BLTP2: variants seen among roughly 807,000 people sequenced by gnomAD.
BLTP2 encodes the protein bridge-like lipid transfer protein family member 2, also known as U937-associated antigen.
At chr17:28,633,911 G>C in the BLTP2 span, 11 of 1,614,018 alleles carry the variant, frequency 6.8e-6, no homozygotes, top group Non-Finnish European at 9.3e-6. Flanking sequence ...AGTCATGGTA[G>C]AATTTGAGTG....
chr17:28,619,027 G>C, the BLTP2 span: 10 of 1,466,626 alleles, frequency 6.8e-6, no homozygotes, highest in Non-Finnish European at 9.4e-6. Context: ...TGGGTTGGGG[G>C]TGGGATAGAA....
At chr17:28,618,709 T>G in the BLTP2 span, 1 of 1,101,120 alleles carries the variant, frequency 9.1e-7, no homozygotes, top group Non-Finnish European at 1.3e-6. Flanking sequence ...CCCCTTTTAT[T>G]TCTCTTTTAT....
chr17:28,635,424 C>T, the BLTP2 span: 1 of 1,614,166 alleles, frequency 6.2e-7, no homozygotes, highest in Middle Eastern at 1.6e-4. Flanking sequence ...GGGGTAATGG[C>T]TCAGGGGCAC....
chr17:28,642,543 C>T, the BLTP2 span: 25 of 579,106 alleles, frequency 4.3e-5, no homozygotes, highest in South Asian at 4.3e-4. Context: ...CCCAGCTACT[C>T]GGGAGGCTGA....
At chr17:28,621,043 C>T in the BLTP2 span, 1 of 1,614,206 alleles carries the variant, frequency 6.2e-7, no homozygotes, top group Non-Finnish European at 8.5e-7. Flanking sequence ...CTTCAGGTGG[C>T]TTAATCTGAG....
the BLTP2 span, chr17:28,620,425 C>T: frequency 3.3e-5 from 50 of 1,508,270 alleles, no homozygotes; most frequent in South Asian, 5.9e-4. Context: ...TGAAGCATGG[C>T]TTTTGTTACA....
the BLTP2 span, chr17:28,639,002 C>T: frequency 2.1e-6 from 1 of 470,456 alleles, no homozygotes. Flanking sequence ...TACACAAAGA[C>T]ATGACTGCCA....
At chr17:28,634,629 A>C in the BLTP2 span, 4,567 of 1,614,178 alleles carry the variant, frequency 2.8e-3, 103 homozygotes, top group African/African-American at 0.052. Flanking sequence ...GTTCTACCAC[A>C]TGCTCAGGAC....
the BLTP2 span, chr17:28,633,788 A>C: frequency 6.2e-7 from 1 of 1,603,782 alleles, no homozygotes; most frequent in South Asian, 1.1e-5. Flanking sequence ...CTTGTTCACA[A>C]CATTACCCCT....
At chr17:28,621,596 T>G in the BLTP2 span, 1 of 829,508 alleles carries the variant, frequency 1.2e-6, no homozygotes, top group Non-Finnish European at 2.1e-6. Flanking sequence ...TAGTTACACT[T>G]ACTATCTGGA....
chr17:28,637,484 T>G, the BLTP2 span, among the ~76,000 whole-genome samples: 1 of 152,222 alleles, frequency 6.6e-6, no homozygotes, highest in Non-Finnish European at 1.5e-5. Context: ...TATGTCTTGC[T>G]TAGTACTTGC....
At chr17:28,628,241 A>G in the BLTP2 span, 5 of 1,609,490 alleles carry the variant, frequency 3.1e-6, no homozygotes, top group Admixed American at 5.0e-5. Context: ...CCAAACCCAA[A>G]AAGTCTCATC....
At chr17:28,627,529 C>G in the BLTP2 span, among the ~76,000 whole-genome samples, 2 of 151,988 alleles carry the variant, frequency 1.3e-5, no homozygotes, top group African/African-American at 4.8e-5. Context: ...GCCTCAGCCT[C>G]CCAAGTAGCT....
the BLTP2 span, chr17:28,637,959 C>A: frequency 6.2e-7 from 1 of 1,614,176 alleles, no homozygotes; most frequent in Non-Finnish European, 8.5e-7. Context: ...GATTGTGGAC[C>A]CATCAGGGAT....
At chr17:28,625,229 G>A in the BLTP2 span, among the ~76,000 whole-genome samples, 98 of 151,124 alleles carry the variant, frequency 6.5e-4, 1 homozygote, top group South Asian at 3.3e-3. Flanking sequence ...CCAGCTACTT[G>A]GGAGGCTGAG....
the BLTP2 span, among the ~76,000 whole-genome samples, chr17:28,618,077 C>T: frequency 1.0e-4 from 15 of 150,338 alleles, no homozygotes; most frequent in African/African-American, 2.5e-4. Context: ...GGACCACAGG[C>T]GTGCACCACC....
chr17:28,634,992 T>C, the BLTP2 span: 6 of 1,611,680 alleles, frequency 3.7e-6, no homozygotes, highest in African/African-American at 6.7e-5. Context: ...CAGGTGGGAG[T>C]GGGACAGGGC....
chr17:28,621,323 T>C, the BLTP2 span: 3 of 1,431,770 alleles, frequency 2.1e-6, no homozygotes, highest in South Asian at 1.1e-5. Flanking sequence ...ACGTTAAGAA[T>C]AGGTAGGGAA....
the BLTP2 span, among the ~76,000 whole-genome samples, chr17:28,619,293 G>C: frequency 1.3e-5 from 2 of 151,404 alleles, no homozygotes; most frequent in Admixed American, 6.6e-5. Context: ...AAAAAAAAAA[G>C]ATATTTTCAG....
Sources: gnomAD v4.1 joint callset for allele counts (sites outside exome capture counted in the v4.1 genomes callset) on GRCh38, gnomAD v4.1.1 for gene constraint, MANE v1.5 for transcripts, NCBI Gene and HGNC (gene_info 2026-07-23, HGNC 2026-07-21) for gene names.